PTPRQ: variants seen among roughly 807,000 people sequenced by gnomAD.
PTPRQ encodes protein tyrosine phosphatase receptor type Q.
Under a neutral mutation model 246.0 loss-of-function variants are expected in PTPRQ, and 199 were observed. The observed-to-expected ratio is 0.81, with a 90% CI of 0.72 to 0.91. PTPRQ has a LOEUF of 0.91. PTPRQ is among the 40% of genes least tolerant of loss of function. PTPRQ has a pLI of 0.00. For synonymous variants in PTPRQ, 869 were observed against 853.2 expected (o/e 1.02, Z -0.32); for missense variants, 2,624 against 2,528.4 (o/e 1.04, Z -0.81).
At chr12:80,517,622 C>A (rs1050804371) in intron 17 of PTPRQ, among the ~76,000 whole-genome samples, 3 of 150,848 alleles carry the variant, frequency 2.0e-5, no homozygotes, top group African/African-American at 7.3e-5. Context: ...TTTTTTATAC[C>A]CATTAACCAT....
intron 25 of PTPRQ, among the ~76,000 whole-genome samples, chr12:80,553,728 G>A (rs554971737): frequency 6.6e-6 from 1 of 152,158 alleles, no homozygotes; most frequent in South Asian, 2.1e-4. Context: ...GTTGGAACAG[G>A]GCAGTAAAGA....
intron 37 of PTPRQ, among the ~76,000 whole-genome samples, chr12:80,651,922 G>GA (rs552942287): frequency 1.6e-4 from 24 of 148,150 alleles, no homozygotes; most frequent in East Asian, 3.9e-4. Context: ...TTAATTTTGA[G>GA]AAAAAAAAAT....
intron 42 of PTPRQ, among the ~76,000 whole-genome samples, chr12:80,672,358 A>C (rs1900996548): frequency 6.6e-6 from 1 of 151,510 alleles, no homozygotes; most frequent in Non-Finnish European, 1.5e-5. Flanking sequence ...TTATAGGCTC[A>C]CAATTTCTTA....
intron 25 of PTPRQ, among the ~76,000 whole-genome samples, chr12:80,557,508 G>C (rs1271685255): frequency 6.6e-6 from 1 of 151,500 alleles, no homozygotes; most frequent in Admixed American, 6.6e-5. Context: ...GCCAAGAAGA[G>C]TGATAGGCAT....
At chr12:80,556,234 G>A (rs1165714327) in intron 25 of PTPRQ, among the ~76,000 whole-genome samples, 1 of 152,004 alleles carries the variant, frequency 6.6e-6, no homozygotes, top group East Asian at 1.9e-4. Context: ...TTGCCATGTT[G>A]GCTAAGATGG....
chr12:80,524,362 G>A (rs140734711), intron 17 of PTPRQ, among the ~76,000 whole-genome samples: 15 of 152,026 alleles, frequency 9.9e-5, no homozygotes, highest in African/African-American at 1.9e-4. Flanking sequence ...CTTGCCTGTC[G>A]CCATTAAGAC....
intron 33 of PTPRQ, among the ~76,000 whole-genome samples, chr12:80,628,519 T>C (rs1198188616): frequency 6.6e-6 from 1 of 152,186 alleles, no homozygotes; most frequent in Non-Finnish European, 1.5e-5. Flanking sequence ...TTATAATTAG[T>C]AGTTGTGCTT....
intron 25 of PTPRQ, among the ~76,000 whole-genome samples, chr12:80,578,330 T>C (rs1235217254): frequency 1.3e-5 from 2 of 150,918 alleles, no homozygotes; most frequent in East Asian, 3.9e-4. Context: ...GTTTGGTTTT[T>C]AAAATAAATT....
At chr12:80,496,190 T>TAG in intron 13 of PTPRQ, 60 bp from the exon 14 acceptor site, 3 of 1,542,358 alleles carry the variant, frequency 1.9e-6, no homozygotes, top group Non-Finnish European at 2.6e-6. Flanking sequence ...ACCTCTAGGG[T>TAG]CTAAAGCAAC....
At position 80,495,226 on chromosome 12, in the gene PTPRQ, T is replaced by A; in HGVS notation, c.1737T>A (p.Asn579Lys). The change falls in exon 12 of 45, where the codon AAT (asparagine) becomes AAA (lysine). Residue 579 changes from asparagine to lysine, a missense_variant. Asn to Lys is a moderately conservative substitution (Grantham distance 94, BLOSUM62 0). Transcript: ENST00000644991. ...PSSIKIINYK[N>K]ISSSSILLYW... ...CCATTAAAATTATAAACTATAAAAA[T>A]ATTAGTTCTTCATCTATTTTGTTAT... 6.5e-7 allele frequency: 1 copy of A among 1,539,066 alleles called. No individual in the cohort carries two copies. Among genetic ancestry groups the A allele is most frequent in the East Asian group, 2.5e-5 (1 of 40,760 alleles).
chr12:80,479,935 C>T (rs1486716130), intron 8 of PTPRQ, among the ~76,000 whole-genome samples: 9 of 151,568 alleles, frequency 5.9e-5, no homozygotes, highest in African/African-American at 2.2e-4. Context: ...GAGACTTTAA[C>T]ACCCCACTGT....
At chr12:80,453,267 C>G (rs1892839838) in intron 3 of PTPRQ, among the ~76,000 whole-genome samples, 1 of 152,144 alleles carries the variant, frequency 6.6e-6, no homozygotes, top group South Asian at 2.1e-4. Flanking sequence ...ATACATTCGT[C>G]TACATTTTTT....
intron 3 of PTPRQ, among the ~76,000 whole-genome samples, chr12:80,455,066 TG>T (rs1892929431): frequency 6.6e-6 from 1 of 151,932 alleles, no homozygotes; most frequent in Non-Finnish European, 1.5e-5. Flanking sequence ...CCAGCTACTC[TG>T]GGGGTTGAGG....
intron 25 of PTPRQ, among the ~76,000 whole-genome samples, chr12:80,551,412 C>T (rs1426075988): frequency 6.6e-6 from 1 of 152,138 alleles, no homozygotes; most frequent in Admixed American, 6.6e-5. Flanking sequence ...GACCTTGTTG[C>T]TTCCTGTAAT....
chr12:80,595,659 C>T (rs538701295), intron 26 of PTPRQ, among the ~76,000 whole-genome samples: 13 of 151,542 alleles, frequency 8.6e-5, no homozygotes, highest in Middle Eastern at 3.4e-3. Flanking sequence ...TGGTGTGCTG[C>T]ACCCATTAAC....
rs71816551 is a variant in PTPRQ at position 80,525,654 on chromosome 12, G to GTCTC, written c.2679-8337_2679-8334dup. ...ACTAACAGTCATATTCTCTCTCTCT[G>GTCTC]TCTCTCTCTCTCTCTCTCTCTCTCT... On this transcript the variant is annotated intron_variant, in intron 17 of 44. Coordinates refer to ENST00000644991, the MANE Select transcript of PTPRQ (RefSeq NM_001145026.2). Among the ~76,000 whole-genome samples, 90 of 147,382 alleles carry GTCTC rather than the reference G, an allele frequency of 6.1e-4. No individual in the cohort carries two copies. In the Middle Eastern group the frequency reaches 0.011, roughly 17 times the overall value.
intron 6 of PTPRQ, among the ~76,000 whole-genome samples, chr12:80,467,247 C>A (rs1893457224): frequency 6.6e-6 from 1 of 152,112 alleles, no homozygotes; most frequent in Non-Finnish European, 1.5e-5. Flanking sequence ...CCAAAAAACA[C>A]ATGAAAAGAT....
intron 17 of PTPRQ, among the ~76,000 whole-genome samples, chr12:80,519,138 T>TAA (rs1895395612): frequency 6.6e-6 from 1 of 152,178 alleles, no homozygotes; most frequent in South Asian, 2.1e-4. Flanking sequence ...TTTTTTGGTG[T>TAA]CCTCTTCACT....
chr12:80,661,863 A>C (rs1286560639), intron 39 of PTPRQ, among the ~76,000 whole-genome samples: 1 of 151,882 alleles, frequency 6.6e-6, no homozygotes, highest in Non-Finnish European at 1.5e-5. Flanking sequence ...TTATTTTACA[A>C]ATAGTATTCA....
Sources: gnomAD v4.1 joint callset for allele counts (sites outside exome capture counted in the v4.1 genomes callset) on GRCh38, gnomAD v4.1.1 for gene constraint, MANE v1.5 for transcripts, NCBI Gene and HGNC (gene_info 2026-07-23, HGNC 2026-07-21) for gene names.